Variants in EVC2 observed in about 807,000 individuals in gnomAD.
EVC2 encodes EvC ciliary complex subunit 2.
In EVC2, 148 loss-of-function variants were observed where a neutral mutation model predicts 149.3. That is an observed-to-expected ratio of 0.99 (90% CI 0.87 to 1.14). The LOEUF is 1.14. Among genes scored for constraint, EVC2 ranks in the 50% most tolerant of loss-of-function variants. The pLI, the probability that EVC2 is intolerant of heterozygous loss-of-function variation, is 0.00. For missense variants in EVC2, 1,854 were observed against 1,627.3 expected, an observed-to-expected ratio of 1.14 and a Z score of -2.40; for synonymous variants, 776 against 649.9, an observed-to-expected ratio of 1.19 and a Z score of -2.95.
intron 19 of EVC2, among the ~76,000 whole-genome samples, chr4:5,570,959 A>G (rs1179225967): frequency 1.3e-5 from 2 of 152,142 alleles, no homozygotes; most frequent in Non-Finnish European, 2.9e-5. Context: ...ATGCAAAGGC[A>G]TAAGAATGAT....
chr4:5,615,870 CCTCT>C (rs1715210287), intron 15 of EVC2, among the ~76,000 whole-genome samples: 1 of 152,184 alleles, frequency 6.6e-6, no homozygotes. Flanking sequence ...GACCTGTCAG[CCTCT>C]CTGAGAAGGG....
rs1577148550 is a variant in EVC2 at position 5,606,271 on chromosome 4, T to C, written c.2829+9151A>G. On this transcript the variant is annotated intron_variant, in intron 16 of 21. Coordinates refer to ENST00000344408, the MANE Select transcript of EVC2 (RefSeq NM_147127.5). ...AACACCCAGCCTTTTTGAGAACAAATCTTTTAAAGCAGACCTACTGTAAAG... is the reference window on the plus strand; with the variant it reads ...AACACCCAGCCTTTTTGAGAACAAACCTTTTAAAGCAGACCTACTGTAAAG... Among the ~76,000 whole-genome samples, 3 of 152,180 alleles carry C rather than the reference T, an allele frequency of 2.0e-5. 1 individual carries two copies. Among genetic ancestry groups the C allele is most frequent in the East Asian group, 3.9e-4 (2 of 5,188 alleles).
downstream of EVC2, among the ~76,000 whole-genome samples, chr4:5,540,546 A>C (rs186033735): frequency 8.5e-5 from 13 of 152,346 alleles, no homozygotes; most frequent in East Asian, 2.5e-3. Flanking sequence ...AATTATGTTC[A>C]GTGAAAGAAG....
At chr4:5,560,858 T>C (rs13434643), downstream of EVC2, among the ~76,000 whole-genome samples, 5,242 of 152,210 alleles carry the variant, frequency 0.034, 267 homozygotes, top group African/African-American at 0.12. This position sits in a 1 kb window ranked among gnomAD's most constrained non-coding sequence, Gnocchi z 4.1. Context: ...TAAAAAGTTG[T>C]AGAGCCACAG....
chr4:5,579,721 G>A (rs942404657), intron 17 of EVC2, among the ~76,000 whole-genome samples: 2 of 152,108 alleles, frequency 1.3e-5, no homozygotes, highest in African/African-American at 4.8e-5. Context: ...CATGCCTATA[G>A]TCCCAGCTAC....
At chr4:5,560,455 GAGA>G (rs771806898), downstream of EVC2, among the ~76,000 whole-genome samples, 2 of 151,622 alleles carry the variant, frequency 1.3e-5, no homozygotes, top group South Asian at 2.1e-4. This position sits in a 1 kb window ranked among gnomAD's most constrained non-coding sequence, Gnocchi z 4.1. Flanking sequence ...CAGTGGGAAG[GAGA>G]AGGACTGCCA....
rs1467845332 is a variant in EVC2, at chr4:5,696,184, A to C, written c.283+1409T>G. Among the ~76,000 whole-genome samples the C allele has an allele frequency of 6.6e-6, 1 of 152,212 alleles. No individual in the cohort carries two copies. The highest frequency in any genetic ancestry group is 1.5e-5 in the Non-Finnish European group (1 of 68,030). On this transcript the variant is annotated intron_variant, in intron 2 of 21. Transcript: ENST00000344408. This position sits in a 1 kb window ranked among gnomAD's most constrained non-coding sequence, Gnocchi z 4.1. ...TGGGCCAGGGCACAAATGCTTGTGC[A>C]GCAAGCAACCAGGACATAAAGTCTT... is the stretch of plus-strand genomic sequence containing the variant.
In EVC2 at chr4:5,640,768, T is replaced by C. The variant is rs1577195234; in HGVS notation, c.1216A>G (p.Ile406Val). The C allele has an allele frequency of 6.2e-7, 1 of 1,614,206 alleles. No individual in the cohort carries two copies. The highest frequency in any genetic ancestry group is 1.6e-4 in the Middle Eastern group (1 of 6,062). The change falls in exon 10 of 22, where the codon ATC becomes GTC. Residue 406 changes from isoleucine (I) to valine (V), a missense_variant. Transcript: ENST00000344408. This position sits in a 1 kb window ranked among gnomAD's most constrained non-coding sequence, Gnocchi z 4.6. ...AGATTTTTCAGCAGAAGGGCAATGA[T>C]ATCCTTGCTGATTTGTGTTCGACAA... ...EACRTQISKD[I>V]IALLLKNLTS...
intron 16 of EVC2, among the ~76,000 whole-genome samples, chr4:5,586,495 G>T (rs1054793986): frequency 6.6e-6 from 1 of 152,150 alleles, no homozygotes; most frequent in Non-Finnish European, 1.5e-5. Context: ...ATGAAGGGAA[G>T]GGGGAGCTGA....
At chr4:5,542,790 G>A (rs1721539180) in exon 23 of EVC2, 1 of 206,750 alleles carries the variant, frequency 4.8e-6, no homozygotes, top group East Asian at 1.4e-4. Flanking sequence ...GTCAGGATTG[G>A]CTCCTCCAAG....
At chr4:5,628,537 T>C in intron 12 of EVC2, 22 bp downstream of exon 12, 1 of 1,614,016 alleles carries the variant, frequency 6.2e-7, no homozygotes, top group Non-Finnish European at 8.5e-7. Context: ...GTTCGCACTG[T>C]TGGGACAGTG....
intron 16 of EVC2, among the ~76,000 whole-genome samples, chr4:5,615,148 C>T (rs980569823): frequency 6.6e-6 from 1 of 152,196 alleles, no homozygotes; most frequent in African/African-American, 2.4e-5. Context: ...GTGACTCAGC[C>T]AGTGGAGGCA....
chr4:5,615,365 TCAGAG>T, intron 16 of EVC2, 52 bp downstream of exon 16: 1 of 1,612,606 alleles, frequency 6.2e-7, no homozygotes, highest in South Asian at 1.1e-5. Context: ...GTGTCAGCTA[TCAGAG>T]CAGCCCCGCC....
intron 8 of EVC2, 137 bp downstream of exon 8, chr4:5,665,378 G>C (rs1719198023): frequency 1.6e-6 from 2 of 1,280,458 alleles, no homozygotes; most frequent in African/African-American, 2.9e-5. Flanking sequence ...TTTTGGAGGT[G>C]GGCCCTGGGC....
chr4:5,570,645 G>A (rs1323096587), intron 19 of EVC2, among the ~76,000 whole-genome samples: 2 of 152,178 alleles, frequency 1.3e-5, no homozygotes, highest in East Asian at 3.8e-4. Flanking sequence ...CCACTGCTGG[G>A]TATATATGCA....
At chr4:5,574,876 T>C (rs1034668207) in intron 18 of EVC2, 104 bp from the exon 19 acceptor site, 4 of 1,215,820 alleles carry the variant, frequency 3.3e-6, no homozygotes, top group Admixed American at 1.9e-5. Flanking sequence ...CTCAGCCATA[T>C]GATTTTAAAA....
At chr4:5,666,993 T>G (rs1719326268) in intron 7 of EVC2, among the ~76,000 whole-genome samples, 1 of 152,192 alleles carries the variant, frequency 6.6e-6, no homozygotes, top group African/African-American at 2.4e-5. Flanking sequence ...GACAGAAGTG[T>G]GCCTGATGGC....
intron 1 of EVC2, among the ~76,000 whole-genome samples, chr4:5,704,899 G>T (rs148909009): frequency 9.5e-4 from 144 of 150,880 alleles, no homozygotes; most frequent in African/African-American, 3.4e-3. Flanking sequence ...TGTAGAGATG[G>T]GGGTCTCACT....
chr4:5,663,025 A>G (rs1156685908), intron 9 of EVC2, 82 bp downstream of exon 9: 1 of 1,549,830 alleles, frequency 6.5e-7, no homozygotes, highest in African/African-American at 1.4e-5. Context: ...TGAATGAAAT[A>G]TACTCAGCAT....
Sources: allele counts gnomAD v4.1 joint callset (sites outside exome capture counted in the v4.1 genomes callset), GRCh38; gene constraint gnomAD v4.1.1; non-coding constraint Gnocchi (gnomAD v3.1); transcripts MANE v1.5; gene names NCBI Gene and HGNC (gene_info 2026-07-23, HGNC 2026-07-21).